Variants in DBH observed in about 807,000 individuals in gnomAD.
DBH encodes dopamine beta-hydroxylase, also known as dopamine beta-hydroxylase (dopamine beta-monooxygenase).
In DBH, 49 loss-of-function variants were observed where a neutral mutation model predicts 64.0. The observed-to-expected ratio is 0.77, with a 90% CI of 0.61 to 0.97. DBH has a LOEUF of 0.97. Among genes scored for constraint, DBH ranks in the 50% least tolerant of loss-of-function variants. The pLI, the probability that DBH is intolerant of heterozygous loss-of-function variation, is 0.00. For synonymous variants in DBH, 343 were observed against 347.1 expected (o/e 0.99, Z 0.13); for missense variants, 828 against 826.6 (o/e 1.00, Z -0.02).
chr9:133,636,856 G>A, intron 1 of DBH, 146 bp downstream of exon 1: 1 of 799,194 alleles, frequency 1.3e-6, no homozygotes, highest in East Asian at 2.7e-5. Flanking sequence ...AGCCAAGTCT[G>A]CACCCCGAGC....
intron 1 of DBH, among the ~76,000 whole-genome samples, chr9:133,638,984 G>A (rs1236919461): frequency 6.6e-6 from 1 of 152,090 alleles, no homozygotes. Context: ...CCAGATCCCA[G>A]GAAGCATCCT....
chr9:133,658,455 C>A lies in DBH; in HGVS notation c.*8C>A, dbSNP rs1554737769. 6.2e-7 allele frequency: 1 copy of A among 1,601,068 alleles called. No individual in the cohort carries two copies. The highest frequency in any genetic ancestry group is 1.1e-5 in the South Asian group (1 of 89,762). ...GGTGGGGGCAAAGGCTGAGGGGGGA[C>A]CTACTCCTCCCCCTCCTCCATGCTG... On this transcript the variant is annotated 3_prime_UTR_variant, in exon 12 of 12. Transcript: ENST00000393056.
chr9:133,642,413 G>T lies in DBH; in HGVS notation c.693G>T (p.Trp231Cys), dbSNP rs1257433806. The T allele has an allele frequency of 6.2e-7, 1 of 1,613,802 alleles. No individual in the cohort carries two copies. Among genetic ancestry groups the T allele is most frequent in the Non-Finnish European group, 8.5e-7 (1 of 1,179,846 alleles). ...IQIPSQETTY[W>C]CYIKELPKGF... is the part of the protein sequence containing the mutation. Reference sequence around the variant, plus strand: ...TCCCCAGCCAGGAGACCACGTACTGGTGCTACATTAAGGAGCTTCCAAAGG... The same window carrying T: ...TCCCCAGCCAGGAGACCACGTACTGTTGCTACATTAAGGAGCTTCCAAAGG... The change falls in exon 3 of 12, where the codon TGG becomes TGT. Residue 231 changes from tryptophan to cysteine, a missense_variant. Coordinates refer to ENST00000393056, the MANE Select transcript of DBH (RefSeq NM_000787.4).
chr9:133,640,308 C>T (rs769467369), intron 2 of DBH, among the ~76,000 whole-genome samples: 1 of 152,230 alleles, frequency 6.6e-6, no homozygotes, highest in African/African-American at 2.4e-5. Context: ...CTGGATGTCT[C>T]TCTCCTCCTG....
chr9:133,639,990 GA>G lies in DBH; in HGVS notation c.486del (p.Asp163ThrfsTer36). ...GTCDPKDYLI[E>X]DGTVHLVYGI... ...CTGCGACCCCAAGGATTACCTCATTGAAGTAAGGGGTGGCCGCGAGTACCCA... is the reference window on the plus strand; with the variant it reads ...CTGCGACCCCAAGGATTACCTCATTGAGTAAGGGGTGGCCGCGAGTACCCA... On this transcript the variant is annotated frameshift_variant and splice_region_variant, in exon 2 of 12. Transcript: ENST00000393056. LOFTEE classifies it high-confidence loss of function. The G allele has an allele frequency of 6.2e-7, 1 of 1,613,938 alleles. No individual in the cohort carries two copies. The highest frequency in any genetic ancestry group is 8.5e-7 in the Non-Finnish European group (1 of 1,180,006).
rs527742213 is a variant in DBH at position 133,643,425 on chromosome 9, G to A, written c.757G>A (p.Val253Ile). Residue 253 changes from valine (V) to isoleucine (I), a missense_variant, in exon 4 of 12, where the codon GTC (valine) becomes ATC (isoleucine). Val to Ile is a conservative substitution (Grantham distance 29). Transcript: ENST00000393056. This position sits in a 1 kb window ranked among gnomAD's most constrained non-coding sequence, Gnocchi z 5.3. ...TGCCTCCTCACAGTACGAGCCCATC[G>A]TCACCAAGGGCAATGAGGCCCTTGT... ...RHHIIKYEPI[V>I]TKGNEALVHH... 46 of 1,613,752 alleles carry A rather than the reference G, an allele frequency of 2.9e-5. No homozygotes were observed. Among genetic ancestry groups the A allele is most frequent in the African/African-American group, 8.0e-5 (6 of 74,986 alleles).
At position 133,651,635 on chromosome 9, in the gene DBH, C is replaced by T. The variant is rs996506822; in HGVS notation, c.1193C>T (p.Ala398Val). The part of the protein sequence containing the change: ...GYCTDKCTQL[A>V]LPPSGIHIFA... ...CACTGCAGCCCCCCGACCCCACAGG[C>T]ACTGCCTCCCTCCGGGATCCACATC... Residue 398 changes from alanine to valine, a missense_variant and splice_region_variant, in exon 7 of 12, where the codon GCA becomes GTA. By Grantham distance (64) the Ala-to-Val change is moderately conservative (BLOSUM62 0). Transcript: ENST00000393056. 2 of 1,613,560 alleles carry T rather than the reference C, an allele frequency of 1.2e-6. No homozygotes were observed. Among genetic ancestry groups the T allele is most frequent in the East Asian group, 2.2e-5 (1 of 44,880 alleles).
At chr9:133,650,775 T>C (rs973864181) in intron 6 of DBH, among the ~76,000 whole-genome samples, 1 of 152,178 alleles carries the variant, frequency 6.6e-6, no homozygotes, top group Middle Eastern at 3.4e-3. Flanking sequence ...CTCAAACTCC[T>C]TACCTCAAAT....
At chr9:133,642,541 G>A (rs904530455) in intron 3 of DBH, 77 bp downstream of exon 3, 1 of 1,523,832 alleles carries the variant, frequency 6.6e-7, no homozygotes, top group Non-Finnish European at 8.8e-7. Context: ...TGACCCTGGA[G>A]AGCTGTCCAC....
At chr9:133,649,368 T>A (rs965409367) in intron 6 of DBH, among the ~76,000 whole-genome samples, 4 of 152,192 alleles carry the variant, frequency 2.6e-5, no homozygotes, top group African/African-American at 9.7e-5. Flanking sequence ...ATTTCACAGA[T>A]GGGGAGACTG....
At chr9:133,637,680 T>A (rs1040014718) in intron 1 of DBH, among the ~76,000 whole-genome samples, 1 of 152,238 alleles carries the variant, frequency 6.6e-6, no homozygotes, top group African/African-American at 2.4e-5. Context: ...GGAGAGTCCC[T>A]CTCTGCCTTT....
In DBH at chr9:133,657,138, G is replaced by A; in HGVS notation, c.1631G>A (p.Trp544Ter). The change falls in exon 11 of 12, where the codon TGG (tryptophan) becomes TAG (stop). Residue 544 changes from tryptophan to a stop codon, truncating the protein, a stop_gained. Coordinates refer to ENST00000393056, the MANE Select transcript of DBH (RefSeq NM_000787.4). LOFTEE classifies it high-confidence loss of function. ...SVSQQFTSVPWNSFNRDVLKA... is the reference protein window; with the variant it reads ...SVSQQFTSVP ...TCTCAGCAGTTCACCTCTGTTCCCT[G>A]GAACTCCTTCAACCGCGACGTACTG... 2 of 1,614,102 alleles carry A rather than the reference G, an allele frequency of 1.2e-6. No homozygotes were observed. Among genetic ancestry groups the A allele is most frequent in the Non-Finnish European group, 1.7e-6 (2 of 1,180,012 alleles).
chr9:133,639,800 C>G (rs766234884), intron 1 of DBH, 46 bp from the exon 2 acceptor site: 1 of 1,588,784 alleles, frequency 6.3e-7, no homozygotes, highest in East Asian at 2.3e-5. Flanking sequence ...GTGGATTGGC[C>G]CGGCTTGGCT....
chr9:133,654,387 T>C (rs1832288569), intron 9 of DBH, among the ~76,000 whole-genome samples: 2 of 152,180 alleles, frequency 1.3e-5, no homozygotes, highest in African/African-American at 4.8e-5. Context: ...CAGCCAGTGT[T>C]TGTATTTTCA....
chr9:133,657,387 C>A, intron 11 of DBH, 158 bp downstream of exon 11: 1 of 719,188 alleles, frequency 1.4e-6, no homozygotes, highest in Non-Finnish European at 2.3e-6. Context: ...CCTAGACAGC[C>A]AGCCAGCCAG....
chr9:133,644,598 G>A (rs1036854061), intron 5 of DBH, among the ~76,000 whole-genome samples: 13 of 152,258 alleles, frequency 8.5e-5, no homozygotes, highest in African/African-American at 1.2e-4. Flanking sequence ...GGCTGCCATC[G>A]GCGCAGCACT....
At chr9:133,646,023 A>G (rs1832177171) in intron 5 of DBH, among the ~76,000 whole-genome samples, 1 of 152,132 alleles carries the variant, frequency 6.6e-6, no homozygotes, top group African/African-American at 2.4e-5. Flanking sequence ...ACAGCAGAAA[A>G]GCATGAAGAA....
intron 5 of DBH, among the ~76,000 whole-genome samples, chr9:133,647,370 A>G (rs1832194056): frequency 6.6e-6 from 1 of 152,134 alleles, no homozygotes; most frequent in Admixed American, 6.5e-5. Flanking sequence ...TGCCCAGACC[A>G]CACCCTGCAG....
chr9:133,642,210 G>A lies in DBH; in HGVS notation c.490G>A (p.Gly164Ser), dbSNP rs142383279. 2,007 of 1,613,044 alleles carry A rather than the reference G, an allele frequency of 1.2e-3. 1 individual carries two copies. Among genetic ancestry groups the A allele is most frequent in the Non-Finnish European group, 1.6e-3 (1,852 of 1,179,988 alleles). The change falls in exon 3 of 12, where the codon GGC (glycine) becomes AGC (serine). Residue 164 changes from glycine to serine, a missense_variant. By Grantham distance (56) the Gly-to-Ser change is moderately conservative. Transcript: ENST00000393056. ...CDPKDYLIEDGTVHLVYGILE... is the reference protein window; with the variant it reads ...CDPKDYLIEDSTVHLVYGILE... Reference sequence around the variant, plus strand: ...CTGAACCCTGTCTCGGCTGCAGGACGGCACTGTCCACTTGGTCTACGGGAT... The same window carrying A: ...CTGAACCCTGTCTCGGCTGCAGGACAGCACTGTCCACTTGGTCTACGGGAT...
Sources: allele counts gnomAD v4.1 joint callset (sites outside exome capture counted in the v4.1 genomes callset), GRCh38; gene constraint gnomAD v4.1.1; non-coding constraint Gnocchi (gnomAD v3.1); transcripts MANE v1.5; gene names NCBI Gene and HGNC (gene_info 2026-07-23, HGNC 2026-07-21).